The following RALGAPA1 variants were observed in gnomAD, a reference collection of about 807,000 sequenced individuals.
RALGAPA1 encodes the protein Ral GTPase activating protein catalytic subunit alpha 1, also known as ral GTPase-activating protein subunit alpha-1.
In RALGAPA1, 52 loss-of-function variants were observed where a neutral mutation model predicts 269.6. The observed-to-expected ratio is 0.19, with a 90% confidence interval of 0.15 to 0.24. The LOEUF (loss-of-function observed/expected upper bound fraction) is 0.24, where lower values mean the gene tolerates loss of function less well. Ranked by LOEUF, RALGAPA1 falls within the 10% of genes least tolerant of loss-of-function variation. The pLI, the probability that RALGAPA1 is intolerant of heterozygous loss-of-function variation, is 1.00. For missense variants in RALGAPA1, 1,917 were observed against 3,013.9 expected (o/e 0.64, Z 8.52); for synonymous variants, 817 against 1,008.3 (o/e 0.81, Z 3.60).
chr14:35,613,519 C>A (rs2060078082), intron 35 of RALGAPA1, among the ~76,000 whole-genome samples: 1 of 152,156 alleles, frequency 6.6e-6, no homozygotes, highest in Admixed American at 6.5e-5. Flanking sequence ...AGTCAGAAAT[C>A]AAGGCATAGA....
rs142124490 is a variant in RALGAPA1 at position 35,543,295 on chromosome 14, C to T, written c.*24-3605G>A. Among the ~76,000 whole-genome samples the T allele has an allele frequency of 2.6e-4, 40 of 152,170 alleles. 1 individual carries two copies. The East Asian group carries it at 6.8e-3, about 26-fold the overall frequency. ...AGTAGGAGCACAGTAAGTATAGCTA[C>T]ATAATAATGCTATTAAACAGAGAAA... is the stretch of plus-strand genomic sequence containing the variant. On this transcript the variant is annotated intron_variant, in intron 41 of 41. Transcript: ENST00000680220.
chr14:35,666,765 C>T (rs886828404), intron 26 of RALGAPA1, among the ~76,000 whole-genome samples: 12 of 152,120 alleles, frequency 7.9e-5, no homozygotes, highest in African/African-American at 2.7e-4. Flanking sequence ...GGATTAGTTA[C>T]ATAAAATAGA....
In RALGAPA1 at chr14:35,808,847, C is replaced by T; in HGVS notation, c.-12G>A. On this transcript the variant is annotated 5_prime_UTR_variant, in exon 1 of 42. Transcript: ENST00000680220. ...TTCTTGGAGAACATCCTGTCGCTGC[C>T]ACTGCCACTGCCACTGCCACAGCCG... The T allele has an allele frequency of 6.3e-7, 1 of 1,595,944 alleles. No individual in the cohort carries two copies. The highest frequency in any genetic ancestry group is 8.5e-7 in the Non-Finnish European group (1 of 1,171,582).
intron 22 of RALGAPA1, chr14:35,676,300 A>T (rs1482020121): frequency 6.6e-6 from 1 of 151,888 alleles, no homozygotes; most frequent in Non-Finnish European, 1.5e-5. Flanking sequence ...CAACCTCCAC[A>T]TCCCAGGTTT....
chr14:35,773,431 T>C (rs1437322225), intron 3 of RALGAPA1, among the ~76,000 whole-genome samples: 1 of 152,046 alleles, frequency 6.6e-6, no homozygotes, highest in Non-Finnish European at 1.5e-5. Context: ...TAAAATTTAG[T>C]GATCCATTAA....
At chr14:35,695,451 A>T (rs2066828662) in intron 17 of RALGAPA1, among the ~76,000 whole-genome samples, 1 of 152,196 alleles carries the variant, frequency 6.6e-6, no homozygotes, top group Non-Finnish European at 1.5e-5. Flanking sequence ...TTTTTCATTG[A>T]CAGTCACAAA....
At chr14:35,683,134 G>C (rs189853808) in intron 21 of RALGAPA1, among the ~76,000 whole-genome samples, 2 of 152,256 alleles carry the variant, frequency 1.3e-5, no homozygotes, top group Non-Finnish European at 2.9e-5. Flanking sequence ...CAGTGAGGTT[G>C]GATTATAGAG....
chr14:35,586,697 A>G (rs2058316125), intron 37 of RALGAPA1, among the ~76,000 whole-genome samples: 1 of 152,130 alleles, frequency 6.6e-6, no homozygotes, highest in Non-Finnish European at 1.5e-5. Flanking sequence ...TTCTGCATCT[A>G]TTGAGATAAT....
chr14:35,739,612 A>G (rs946903456), intron 11 of RALGAPA1, among the ~76,000 whole-genome samples: 4 of 152,186 alleles, frequency 2.6e-5, no homozygotes, highest in African/African-American at 9.7e-5. Context: ...TAAAATTCCC[A>G]TCCATGTGTG....
In RALGAPA1 at chr14:35,809,172, G is replaced by C. The variant is rs906742425; in HGVS notation, c.-337C>G. The C allele has an allele frequency of 3.7e-6, 1 of 273,822 alleles. No individual in the cohort carries two copies. 17.0% of individuals were successfully genotyped at this position (273,822 alleles called of 1,614,324 possible). A position where few individuals can be genotyped will look rare whatever the true frequency, so the allele number is the denominator to read the frequency against. On this transcript the variant is annotated 5_prime_UTR_variant, in exon 1 of 42. Coordinates refer to ENST00000680220, the MANE Select transcript of RALGAPA1 (RefSeq NM_001346249.2). ...GCTCGCCGCCACAGGCCGGGGCCCC[G>C]GACCCAGAGCCACGAAGGTGGAGCT... is the stretch of plus-strand genomic sequence containing the variant.
At chr14:35,587,065 G>T (rs573828178) in intron 37 of RALGAPA1, among the ~76,000 whole-genome samples, 1 of 152,310 alleles carries the variant, frequency 6.6e-6, no homozygotes, top group South Asian at 2.1e-4. Flanking sequence ...ACCTCTGGTA[G>T]AATTCGGCTG....
intron 39 of RALGAPA1, among the ~76,000 whole-genome samples, chr14:35,553,288 T>C (rs1417321182): frequency 1.3e-5 from 2 of 152,186 alleles, no homozygotes; most frequent in Non-Finnish European, 2.9e-5. Flanking sequence ...TTGATAATAC[T>C]ACTACTATTT....
At chr14:35,783,778 A>T in intron 1 of RALGAPA1, among the ~76,000 whole-genome samples, 1 of 152,212 alleles carries the variant, frequency 6.6e-6, no homozygotes, top group East Asian at 1.9e-4. Context: ...TCTCCTAAGA[A>T]GATATACAAA....
intron 17 of RALGAPA1, among the ~76,000 whole-genome samples, chr14:35,692,003 C>T (rs1031181245): frequency 2.1e-4 from 32 of 152,074 alleles, no homozygotes; most frequent in Non-Finnish European, 8.8e-5. Flanking sequence ...ACTCATTAAG[C>T]GTTTGTTAAT....
intron 4 of RALGAPA1, among the ~76,000 whole-genome samples, chr14:35,770,181 C>T (rs529582400): frequency 4.6e-5 from 7 of 151,984 alleles, no homozygotes; most frequent in East Asian, 3.9e-4. Flanking sequence ...TGATAATGAT[C>T]GCATCAATAG....
chr14:35,724,992 C>A, intron 14 of RALGAPA1, 32 bp downstream of exon 14: 1 of 1,542,986 alleles, frequency 6.5e-7, no homozygotes, highest in African/African-American at 1.4e-5. Context: ...CATATCTATC[C>A]AGCTATTCAT....
At chr14:35,581,257 A>C (rs550657054) in intron 37 of RALGAPA1, among the ~76,000 whole-genome samples, 71 of 152,256 alleles carry the variant, frequency 4.7e-4, no homozygotes, top group Non-Finnish European at 8.5e-4. Flanking sequence ...ATATACTAGA[A>C]CTCTGAGGAA....
At chr14:35,766,261 T>C (rs1350028003) in intron 4 of RALGAPA1, 8 of 811,360 alleles carry the variant, frequency 9.9e-6, no homozygotes, top group South Asian at 4.1e-5. Context: ...GATGCAGCAA[T>C]TGTCTTGGGT....
At chr14:35,705,509 G>A (rs776667634) in intron 16 of RALGAPA1, among the ~76,000 whole-genome samples, 11 of 151,306 alleles carry the variant, frequency 7.3e-5, no homozygotes, top group Non-Finnish European at 1.5e-4. Context: ...TTCATGGTCT[G>A]AAAGCTCATT....
Sources: gnomAD v4.1 joint callset for allele counts (sites outside exome capture counted in the v4.1 genomes callset) on GRCh38, gnomAD v4.1.1 for gene constraint, MANE v1.5 for transcripts, NCBI Gene and HGNC (gene_info 2026-07-23, HGNC 2026-07-21) for gene names.